BCAS3: variants seen among roughly 807,000 people sequenced by gnomAD.
BCAS3 encodes the protein BCAS3 microtubule associated cell migration factor.
In BCAS3, 53 loss-of-function variants were observed where a neutral mutation model predicts 116.1. The ratio of observed to expected loss-of-function variants is 0.46; its 90% confidence interval spans 0.37 to 0.57. The LOEUF (loss-of-function observed/expected upper bound fraction) is 0.57. BCAS3 is among the 20% of genes least tolerant of loss of function. BCAS3 has a pLI of 0.00. For missense variants in BCAS3, 917 were observed against 1,165.4 expected, an observed-to-expected ratio of 0.79 and a Z score of 3.10; for synonymous variants, 391 against 408.2, an observed-to-expected ratio of 0.96 and a Z score of 0.51.
Position 61,030,955 on chromosome 17 carries a change from T to TA in BCAS3, c.1638-3702dup, listed in dbSNP as rs201507242. Among the ~76,000 whole-genome samples, 375 of 151,024 alleles carry TA rather than the reference T, an allele frequency of 2.5e-3. 1 individual carries two copies. Among genetic ancestry groups the TA allele is most frequent in the African/African-American group, 8.5e-3 (349 of 41,240 alleles). ...GTCTTGTTCTCATGTATAACCATTTTAAAAAAAAATGGATGAGTCCACATA... is the reference window on the plus strand; with the variant it reads ...GTCTTGTTCTCATGTATAACCATTTTAAAAAAAAAATGGATGAGTCCACATA... On this transcript the variant is annotated intron_variant, in intron 16 of 23. Transcript: ENST00000407086.
intron 12 of BCAS3, 143 bp downstream of exon 12, chr17:60,910,845 T>C: frequency 1.3e-6 from 1 of 765,108 alleles, no homozygotes; most frequent in Admixed American, 3.6e-5. Flanking sequence ...GGTTTTTCTT[T>C]AAAAATGATT....
chr17:60,817,394 C>T (rs936365626), intron 7 of BCAS3, among the ~76,000 whole-genome samples: 5 of 152,176 alleles, frequency 3.3e-5, no homozygotes, highest in African/African-American at 7.2e-5. Context: ...TTGTTGGCTA[C>T]TATGAGTAAT....
intron 14 of BCAS3, among the ~76,000 whole-genome samples, chr17:60,988,470 GTTC>G (rs1469456945): frequency 6.7e-6 from 1 of 149,442 alleles, no homozygotes; most frequent in Non-Finnish European, 1.5e-5. Flanking sequence ...ATTGGTATTA[GTTC>G]TTCTTTAGAT....
intron 22 of BCAS3, among the ~76,000 whole-genome samples, chr17:61,345,222 T>C (rs939627782): frequency 3.3e-5 from 5 of 152,222 alleles, no homozygotes; most frequent in Admixed American, 2.6e-4. Context: ...CTCACACTCC[T>C]GCCTGCTCTC....
At position 61,084,411 on chromosome 17, in the gene BCAS3, C is replaced by A; in HGVS notation, c.2328-56C>A. On this transcript the variant is annotated intron_variant, in intron 21 of 23. Coordinates refer to ENST00000407086, the MANE Select transcript of BCAS3 (RefSeq NM_017679.5). The surrounding 1 kb of genome is among the most constrained non-coding windows in gnomAD (Gnocchi z 5.5). Reference sequence around the variant, plus strand: ...ATTCCTGATTTAAGGTCATTTGTAGCAAGTGACAGTTTTGATGCCAGTAAC... The same window carrying A: ...ATTCCTGATTTAAGGTCATTTGTAGAAAGTGACAGTTTTGATGCCAGTAAC... The A allele has an allele frequency of 7.2e-7, 1 of 1,383,894 alleles. No homozygotes were observed. Among genetic ancestry groups the A allele is most frequent in the Non-Finnish European group, 1.0e-6 (1 of 990,964 alleles). 85.7% of individuals were successfully genotyped at this position (1,383,894 alleles called of 1,614,324 possible).
At chr17:60,996,476 C>T (rs1248749182) in intron 15 of BCAS3, among the ~76,000 whole-genome samples, 1 of 152,130 alleles carries the variant, frequency 6.6e-6, no homozygotes, top group Non-Finnish European at 1.5e-5. Flanking sequence ...TTAACCTAAA[C>T]ATCTAGAAGG....
At chr17:60,708,498 G>A (rs1433884107) in intron 4 of BCAS3, among the ~76,000 whole-genome samples, 1 of 151,906 alleles carries the variant, frequency 6.6e-6, no homozygotes, top group Non-Finnish European at 1.5e-5. Context: ...ATCTAGTACT[G>A]TAAGTGTGTG....
At chr17:60,727,174 G>A (rs2039969473) in intron 5 of BCAS3, 3 of 768,326 alleles carry the variant, frequency 3.9e-6, no homozygotes, top group Non-Finnish European at 4.2e-6. Context: ...TTTAGAACTG[G>A]ATCTCTTGGC....
chr17:61,108,109 C>T (rs1381747947), intron 22 of BCAS3, among the ~76,000 whole-genome samples: 1 of 152,108 alleles, frequency 6.6e-6, no homozygotes, highest in Non-Finnish European at 1.5e-5. Flanking sequence ...GTTTTTAGTG[C>T]ATGCGCATCT....
chr17:60,957,908 G>A (rs1451331478), intron 14 of BCAS3, among the ~76,000 whole-genome samples: 2 of 152,144 alleles, frequency 1.3e-5, no homozygotes, highest in African/African-American at 4.8e-5. Context: ...CTCTACTTTT[G>A]GCCAATATAG....
At chr17:60,697,161 G>C (rs2035703466) in intron 4 of BCAS3, among the ~76,000 whole-genome samples, 1 of 152,130 alleles carries the variant, frequency 6.6e-6, no homozygotes, top group South Asian at 2.1e-4. Context: ...CTGCGCTTCA[G>C]ACTGGGTGAC....
chr17:61,142,400 A>C (rs1180251044), intron 22 of BCAS3, among the ~76,000 whole-genome samples: 1 of 152,216 alleles, frequency 6.6e-6, no homozygotes, highest in Non-Finnish European at 1.5e-5. Context: ...GGATGTTTGC[A>C]TGGAGGAGTC....
chr17:60,722,514 G>A (rs1442263117), intron 5 of BCAS3, among the ~76,000 whole-genome samples: 1 of 152,106 alleles, frequency 6.6e-6, no homozygotes, highest in African/African-American at 2.4e-5. Flanking sequence ...TGTAATCCCA[G>A]CACTTGGGGA....
chr17:60,688,882 A>C (rs981067540), intron 3 of BCAS3: 1 of 151,900 alleles, frequency 6.6e-6, no homozygotes, highest in African/African-American at 2.4e-5. Context: ...AATACTGTTG[A>C]ATACTGTTGA....
At chr17:60,978,813 A>G (rs914756105) in intron 14 of BCAS3, among the ~76,000 whole-genome samples, 3 of 144,662 alleles carry the variant, frequency 2.1e-5, no homozygotes, top group Non-Finnish European at 4.6e-5. Flanking sequence ...AGATAGTTGT[A>G]GATATGCGGC....
At position 60,685,604 on chromosome 17, in the gene BCAS3, T is replaced by C. The variant is rs550931213; in HGVS notation, c.138+1568T>C. Among the ~76,000 whole-genome samples the C allele has an allele frequency of 1.1e-4, 17 of 152,302 alleles. No homozygotes were observed. In the South Asian group the frequency reaches 3.3e-3, roughly 30 times the overall value. On this transcript the variant is annotated intron_variant, in intron 3 of 23. Coordinates refer to ENST00000407086, the MANE Select transcript of BCAS3 (RefSeq NM_017679.5). ...CTCGGGTTAATCATCTTATTCGTCA[T>C]GGGTTTGTTTTGAGGCTTAAAGGGT...
rs527347318 is a variant in BCAS3 at position 60,862,738 on chromosome 17, A to C, written c.477-5838A>C. Among the ~76,000 whole-genome samples the C allele has an allele frequency of 2.0e-5, 3 of 152,302 alleles. 1 individual carries two copies. In the South Asian group the frequency reaches 6.2e-4, roughly 32 times the overall value. On this transcript the variant is annotated intron_variant, in intron 7 of 23. Transcript: ENST00000407086. ...ATGATCAGAACTCACTGCATCCTCA[A>C]ATTGCTCCTGCCTCAGCCTTCCTAG...
rs2082970954 is a variant in BCAS3 at position 61,235,487 on chromosome 17, A to G, written c.2426-132840A>G. ...TTATTATTCTCTTATGTTCAAATTT[A>G]TTAACAAGGGCTTAATTTCATTCCA... On this transcript the variant is annotated intron_variant, in intron 22 of 23. Transcript: ENST00000407086. This position sits in a 1 kb window ranked among gnomAD's most constrained non-coding sequence, Gnocchi z 5.0. Among the ~76,000 whole-genome samples the G allele has an allele frequency of 6.6e-6, 1 of 152,224 alleles. No individual in the cohort carries two copies. Among genetic ancestry groups the G allele is most frequent in the Non-Finnish European group, 1.5e-5 (1 of 68,038 alleles).
rs2051006895 is a variant in BCAS3, at chr17:61,279,014, GTCTGGGC to G, written c.2426-89310_2426-89304del. On this transcript the variant is annotated intron_variant, in intron 22 of 23. Transcript: ENST00000407086. The surrounding 1 kb of genome is among the most constrained non-coding windows in gnomAD (Gnocchi z 4.4). ...CACCCAGGCTGGAGTACAGTGGCAT[GTCTGGGC>G]TCACTGCAACCTCCTCCCAGATTCA... Among the ~76,000 whole-genome samples, 1 of 150,478 alleles carries G rather than the reference GTCTGGGC, an allele frequency of 6.6e-6. No individual in the cohort carries two copies.
Sources: gnomAD v4.1 joint callset for allele counts (sites outside exome capture counted in the v4.1 genomes callset) on GRCh38, gnomAD v4.1.1 for gene constraint, Gnocchi (gnomAD v3.1) non-coding constraint, MANE v1.5 for transcripts, NCBI Gene and HGNC (gene_info 2026-07-23, HGNC 2026-07-21) for gene names.